CREB5: variants seen among roughly 807,000 people sequenced by gnomAD.
CREB5 encodes cyclic AMP-responsive element-binding protein 5.
Under a neutral mutation model 57.1 loss-of-function variants are expected in CREB5, and 19 were observed. That is an observed-to-expected ratio of 0.33 (90% CI 0.23 to 0.49). CREB5 has a LOEUF of 0.49. Among genes scored for constraint, CREB5 ranks in the 20% least tolerant of loss-of-function variants. CREB5 has a pLI of 0.99. For synonymous variants in CREB5, 238 were observed against 238.3 expected (o/e 1.00, Z 0.01); for missense variants, 579 against 671.6 (o/e 0.86, Z 1.52).
At chr7:28,557,411 A>G (rs1794922007) in intron 4 of CREB5, among the ~76,000 whole-genome samples, 2 of 152,236 alleles carry the variant, frequency 1.3e-5, no homozygotes, top group African/African-American at 4.8e-5. Flanking sequence ...ATGAGATCCC[A>G]GAGAAAGAAA....
In CREB5 at chr7:28,468,687, A is replaced by G. The variant is rs181974445; in HGVS notation, c.4-19488A>G. ...GGATCTCACTTTCACGGAGATGTGT[A>G]GTTATCAGCTTGTGTCTGCCTGCCT... On this transcript the variant is annotated intron_variant, in intron 1 of 10. Coordinates refer to ENST00000357727, the MANE Select transcript of CREB5 (RefSeq NM_182898.4). Among the ~76,000 whole-genome samples, 1,226 of 152,344 alleles carry G rather than the reference A, an allele frequency of 8.0e-3. 11 individuals are homozygous for G. Among genetic ancestry groups the G allele is most frequent in the South Asian group, 0.056 (270 of 4,834 alleles).
intron 5 of CREB5, among the ~76,000 whole-genome samples, chr7:28,707,676 CAAG>C (rs1426730239): frequency 6.6e-6 from 1 of 152,098 alleles, no homozygotes; most frequent in Non-Finnish European, 1.5e-5. Context: ...TTTAAGAGCC[CAAG>C]AAGAGGAAAT....
At chr7:28,435,747 A>G (rs1583458933) in intron 1 of CREB5, 2 of 822,730 alleles carry the variant, frequency 2.4e-6, no homozygotes, top group East Asian at 2.5e-4. Context: ...TCAGATGTAA[A>G]TTACATTTGG....
chr7:28,737,520 T>C (rs1804049287), intron 7 of CREB5, among the ~76,000 whole-genome samples: 1 of 134,712 alleles, frequency 7.4e-6, no homozygotes. Context: ...TGTGTGTGTG[T>C]ATATATGTAT....
chr7:28,546,773 G>A (rs1337398671), intron 4 of CREB5, among the ~76,000 whole-genome samples: 1 of 152,184 alleles, frequency 6.6e-6, no homozygotes, highest in Non-Finnish European at 1.5e-5. Context: ...TTTGGAGTCA[G>A]GAAACCTAAA....
Position 28,507,756 on chromosome 7 carries a change from C to A in CREB5, c.291+19C>A. 1 of 1,587,180 alleles carries A rather than the reference C, an allele frequency of 6.3e-7. No homozygotes were observed. Reference sequence around the variant, plus strand: ...CAAGCGGGTAGGTTTGCTTGGATGGCCGCCTTGAGAGGTGTCCTGCTAGAA... The same window carrying A: ...CAAGCGGGTAGGTTTGCTTGGATGGACGCCTTGAGAGGTGTCCTGCTAGAA... On this transcript the variant is annotated intron_variant, in intron 4 of 10. Transcript: ENST00000357727.
intron 4 of CREB5, among the ~76,000 whole-genome samples, chr7:28,539,794 A>G (rs1794130921): frequency 6.6e-6 from 1 of 152,140 alleles, no homozygotes; most frequent in Non-Finnish European, 1.5e-5. Flanking sequence ...CAAAGACAAA[A>G]CCTGCCTTCG....
intron 1 of CREB5, among the ~76,000 whole-genome samples, chr7:28,417,871 T>C (rs894676124): frequency 9.9e-5 from 15 of 152,210 alleles, no homozygotes; most frequent in African/African-American, 3.4e-4. Flanking sequence ...TAGACAATAA[T>C]TCTTTGCACC....
At chr7:28,489,336 G>T (rs1237038742) in intron 2 of CREB5, among the ~76,000 whole-genome samples, 2 of 122,284 alleles carry the variant, frequency 1.6e-5, no homozygotes, top group African/African-American at 6.5e-5. Flanking sequence ...GTCTCGCTCT[G>T]TCGCCCAGGC....
At chr7:28,610,875 TTGCGTGTGTG>T (rs1797355951) in intron 5 of CREB5, among the ~76,000 whole-genome samples, 2 of 151,748 alleles carry the variant, frequency 1.3e-5, no homozygotes, top group Non-Finnish European at 2.9e-5. Context: ...GTTCTTTGGT[TTGCGTGTGTG>T]TGCGTGTGTG....
chr7:28,499,682 CA>C (rs1199972549), intron 3 of CREB5, among the ~76,000 whole-genome samples: 1 of 152,166 alleles, frequency 6.6e-6, no homozygotes, highest in Non-Finnish European at 1.5e-5. Context: ...TTCCCGGGTT[CA>C]AGTGATTTTC....
chr7:28,581,670 GC>G (rs1258499822), intron 5 of CREB5, among the ~76,000 whole-genome samples: 2 of 152,166 alleles, frequency 1.3e-5, no homozygotes, highest in East Asian at 3.8e-4. Flanking sequence ...ACACCCAACA[GC>G]CTCCAGTTAT....
At chr7:28,405,289 G>C (rs1470510279) in intron 1 of CREB5, among the ~76,000 whole-genome samples, 1 of 152,192 alleles carries the variant, frequency 6.6e-6, no homozygotes, top group Non-Finnish European at 1.5e-5. Context: ...ATTTAGTTAA[G>C]AAAAGCCTAA....
chr7:28,345,058 A>G (rs116999192), intron 1 of CREB5, among the ~76,000 whole-genome samples: 1 of 152,350 alleles, frequency 6.6e-6, no homozygotes, highest in Non-Finnish European at 1.5e-5. Context: ...CAATACAATA[A>G]TAGTAGGGGA....
intron 1 of CREB5, among the ~76,000 whole-genome samples, chr7:28,376,952 C>T (rs541828299): frequency 3.3e-5 from 5 of 152,290 alleles, no homozygotes; most frequent in Non-Finnish European, 7.3e-5. Context: ...AATTTCTATT[C>T]CCAATCATAC....
chr7:28,562,213 G>C (rs1386796541), intron 4 of CREB5, among the ~76,000 whole-genome samples: 1 of 152,180 alleles, frequency 6.6e-6, no homozygotes, highest in East Asian at 1.9e-4. Flanking sequence ...AACCAAGACA[G>C]TAATGTGGGA....
At chr7:28,710,517 A>G (rs897494096) in intron 5 of CREB5, among the ~76,000 whole-genome samples, 1 of 152,168 alleles carries the variant, frequency 6.6e-6, no homozygotes, top group African/African-American at 2.4e-5. Context: ...GCTAGATGCT[A>G]TGGTGAGTGC....
At chr7:28,592,685 T>A (rs160340) in intron 5 of CREB5, among the ~76,000 whole-genome samples, 53,495 of 151,870 alleles carry the variant, frequency 0.35, 9,733 homozygotes, top group African/African-American at 0.42. Context: ...AAGCAAAACC[T>A]GTTCAAGTGC....
At chr7:28,627,094 G>A (rs1456501156) in intron 5 of CREB5, among the ~76,000 whole-genome samples, 1 of 152,208 alleles carries the variant, frequency 6.6e-6, no homozygotes, top group East Asian at 1.9e-4. Context: ...TACGCCCCTG[G>A]CCTTCTGCCA....
Sources: gnomAD v4.1 joint callset for allele counts (sites outside exome capture counted in the v4.1 genomes callset) on GRCh38, gnomAD v4.1.1 for gene constraint, MANE v1.5 for transcripts, NCBI Gene and HGNC (gene_info 2026-07-23, HGNC 2026-07-21) for gene names.